The following BRD10 variants were observed in gnomAD, a reference collection of about 807,000 sequenced individuals.
BRD10 encodes the protein bromodomain containing 10, also known as uncharacterized bromodomain-containing protein 10.
the BRD10 span, among the ~76,000 whole-genome samples, chr9:5,932,112 T>C: frequency 6.6e-6 from 1 of 152,096 alleles, no homozygotes; most frequent in Admixed American, 6.6e-5. Flanking sequence ...ATAAAAGAAA[T>C]GAGATGATAA....
At chr9:5,892,580 T>G in the BRD10 span, 2 of 1,601,732 alleles carry the variant, frequency 1.2e-6, no homozygotes, top group Non-Finnish European at 1.7e-6. Flanking sequence ...CCAGCAGGGC[T>G]TCCAGTTTGC....
chr9:6,000,504 C>T, the BRD10 span, among the ~76,000 whole-genome samples: 119 of 152,184 alleles, frequency 7.8e-4, no homozygotes, highest in Non-Finnish European at 1.5e-3. Flanking sequence ...TTCTTCCCTG[C>T]TCTAGTGTTC....
the BRD10 span, among the ~76,000 whole-genome samples, chr9:5,902,452 T>C: frequency 1.3e-5 from 2 of 151,976 alleles, no homozygotes; most frequent in Non-Finnish European, 2.9e-5. Flanking sequence ...ACTGACTTTT[T>C]TTTCTTTCTT....
At chr9:5,892,519 G>C in the BRD10 span, 1 of 1,613,784 alleles carries the variant, frequency 6.2e-7, no homozygotes, top group Middle Eastern at 1.7e-4. Context: ...ACCCCAAGAA[G>C]GGGCACGGCC....
At chr9:5,892,633 G>A in the BRD10 span, 1 of 1,112,268 alleles carries the variant, frequency 9.0e-7, no homozygotes, top group Admixed American at 2.2e-5. Context: ...GTACATGCCT[G>A]CTCGTAAATC....
At chr9:5,897,755 C>T in the BRD10 span, 4 of 1,023,140 alleles carry the variant, frequency 3.9e-6, no homozygotes, top group South Asian at 2.6e-5. Flanking sequence ...CTCATTATAA[C>T]CTTCAGCTCT....
chr9:5,920,641 T>C, the BRD10 span: 3 of 1,613,972 alleles, frequency 1.9e-6, no homozygotes, highest in East Asian at 2.2e-5. Context: ...GGAACTGGAG[T>C]GAAGTCCGAG....
At chr9:5,944,861 C>G in the BRD10 span, 1 of 1,436,380 alleles carries the variant, frequency 7.0e-7, no homozygotes, top group African/African-American at 1.4e-5. Flanking sequence ...ACTTTTGGAT[C>G]AACACCTACC....
At chr9:6,008,459 T>G in the BRD10 span, among the ~76,000 whole-genome samples, 4 of 151,390 alleles carry the variant, frequency 2.6e-5, no homozygotes, top group East Asian at 7.9e-4. Flanking sequence ...AGAGGCCCTG[T>G]CGCCATCCCC....
At chr9:6,003,134 A>G in the BRD10 span, among the ~76,000 whole-genome samples, 1 of 152,254 alleles carries the variant, frequency 6.6e-6, no homozygotes, top group Admixed American at 6.5e-5. Context: ...GAAATCAAGA[A>G]TAATTTTAAC....
chr9:5,939,260 A>G, the BRD10 span, among the ~76,000 whole-genome samples: 6 of 152,150 alleles, frequency 3.9e-5, 1 homozygote, highest in Non-Finnish European at 8.8e-5. Flanking sequence ...TACATGTGTA[A>G]TAAGTGGTTT....
At chr9:5,901,577 G>T in the BRD10 span, among the ~76,000 whole-genome samples, 4 of 152,048 alleles carry the variant, frequency 2.6e-5, no homozygotes, top group South Asian at 8.3e-4. Context: ...GGAGTGCAGT[G>T]GCTCAATCTC....
the BRD10 span, chr9:5,920,430 G>C: frequency 1.2e-6 from 2 of 1,613,854 alleles, no homozygotes; most frequent in Non-Finnish European, 8.5e-7. Context: ...ACATTGGATG[G>C]TGCCGAAGCC....
chr9:5,956,673 A>G, the BRD10 span, among the ~76,000 whole-genome samples: 1 of 152,168 alleles, frequency 6.6e-6, no homozygotes, highest in Non-Finnish European at 1.5e-5. Context: ...CCTAAACAGA[A>G]AATCTTTTAA....
chr9:5,984,948 T>A, the BRD10 span, among the ~76,000 whole-genome samples: 1 of 151,568 alleles, frequency 6.6e-6, no homozygotes, highest in Non-Finnish European at 1.5e-5. Flanking sequence ...GGTCCTAGTA[T>A]AGACAAACGA....
At chr9:5,968,565 T>C in the BRD10 span, 1 of 1,613,952 alleles carries the variant, frequency 6.2e-7, no homozygotes, top group Non-Finnish European at 8.5e-7. Context: ...ATGTCATGAT[T>C]ATCCAAGATC....
the BRD10 span, among the ~76,000 whole-genome samples, chr9:5,936,967 C>T: frequency 6.6e-6 from 1 of 152,166 alleles, no homozygotes; most frequent in Non-Finnish European, 1.5e-5. Context: ...CGGTGGCAAT[C>T]ATGCCTGTAA....
chr9:5,944,856 T>C, the BRD10 span: 5 of 1,376,524 alleles, frequency 3.6e-6, no homozygotes, highest in African/African-American at 5.9e-5. Context: ...ATAGAACTTT[T>C]GGATCAACAC....
At chr9:5,889,873 G>T in the BRD10 span, among the ~76,000 whole-genome samples, 1 of 152,128 alleles carries the variant, frequency 6.6e-6, no homozygotes, top group Admixed American at 6.6e-5. Context: ...CCTAATTGAT[G>T]TCTAAGTAGG....
Sources: allele counts gnomAD v4.1 joint callset (sites outside exome capture counted in the v4.1 genomes callset), GRCh38; gene constraint gnomAD v4.1.1; transcripts MANE v1.5; gene names NCBI Gene and HGNC (gene_info 2026-07-23, HGNC 2026-07-21).